Variants in PHTF2 observed in about 807,000 individuals in gnomAD.
PHTF2 encodes putative homeodomain transcription factor 2, also known as protein PHTF2.
Under a neutral mutation model 101.2 loss-of-function variants are expected in PHTF2, and 60 were observed. The observed-to-expected ratio is 0.59, with a 90% CI of 0.48 to 0.73. The LOEUF is 0.73. Among genes scored for constraint, PHTF2 ranks in the 30% least tolerant of loss-of-function variants. PHTF2 has a pLI of 0.00. For synonymous variants in PHTF2, 311 were observed against 307.3 expected (o/e 1.01, Z -0.13); for missense variants, 747 against 908.7 (o/e 0.82, Z 2.29).
intron 1 of PHTF2, among the ~76,000 whole-genome samples, chr7:77,814,708 C>G (rs1010024676): frequency 6.6e-6 from 1 of 151,942 alleles, no homozygotes; most frequent in African/African-American, 2.4e-5. Context: ...GATGGGGTAT[C>G]GCCATGTTGG....
intron 15 of PHTF2, among the ~76,000 whole-genome samples, chr7:77,941,716 C>G (rs981977861): frequency 6.6e-6 from 1 of 152,170 alleles, no homozygotes; most frequent in African/African-American, 2.4e-5. Context: ...TTCTGCCACC[C>G]TCATTGAAAC....
exon 11 of PHTF2, chr7:77,922,705 A>C (rs372691512): frequency 5.0e-6 from 8 of 1,609,964 alleles, no homozygotes; most frequent in Middle Eastern, 1.6e-4. Context: ...TTACGTCGTC[A>C]TGTGGACAGG....
intron 9 of PHTF2, among the ~76,000 whole-genome samples, chr7:77,912,171 G>T (rs1379279189): frequency 6.6e-6 from 1 of 152,202 alleles, no homozygotes; most frequent in Non-Finnish European, 1.5e-5. Context: ...GCATGACCAT[G>T]ATCATGACTG....
chr7:77,823,193 C>T (rs1042799374), intron 1 of PHTF2, among the ~76,000 whole-genome samples: 7 of 151,432 alleles, frequency 4.6e-5, no homozygotes, highest in East Asian at 1.9e-4. Flanking sequence ...CGTGAGCCAC[C>T]GCGCCCGGCC....
At chr7:77,830,481 C>T (rs939558754) in intron 1 of PHTF2, among the ~76,000 whole-genome samples, 1 of 152,202 alleles carries the variant, frequency 6.6e-6, no homozygotes, top group Non-Finnish European at 1.5e-5. Flanking sequence ...ACTTCCATTA[C>T]CATCTGAGCT....
chr7:77,811,574 T>A (rs749835526), intron 1 of PHTF2, among the ~76,000 whole-genome samples: 1 of 152,080 alleles, frequency 6.6e-6, no homozygotes, highest in Non-Finnish European at 1.5e-5. Context: ...AAAGAAAAGC[T>A]TCTACCTCTT....
At chr7:77,954,961 T>A in exon 20 of PHTF2, 4 of 706,916 alleles carry the variant, frequency 5.7e-6, no homozygotes, top group Non-Finnish European at 7.2e-6. Flanking sequence ...ACTGATTCTT[T>A]GCTTCAGGAG....
intron 3 of PHTF2, among the ~76,000 whole-genome samples, chr7:77,865,908 G>A (rs985881143): frequency 6.6e-6 from 1 of 151,984 alleles, no homozygotes; most frequent in African/African-American, 2.4e-5. Flanking sequence ...ATTAGGCTGG[G>A]CTCGGTGGCT....
intron 7 of PHTF2, chr7:77,907,917 T>C (rs899616987): frequency 6.6e-6 from 1 of 152,194 alleles, no homozygotes; most frequent in African/African-American, 2.4e-5. Flanking sequence ...TCTTCACTTC[T>C]TTTTGCTGTA....
chr7:77,912,710 C>CTT (rs536966733), intron 9 of PHTF2, among the ~76,000 whole-genome samples: 4 of 80,466 alleles, frequency 5.0e-5, no homozygotes, highest in African/African-American at 9.6e-5. Context: ...AGAGAACCAC[C>CTT]TTTTTTTTTT....
chr7:77,804,421 G>A (rs955193809), intron 1 of PHTF2, among the ~76,000 whole-genome samples: 4 of 152,176 alleles, frequency 2.6e-5, no homozygotes, highest in African/African-American at 7.2e-5. Flanking sequence ...CTTCTCCTGG[G>A]TTTAAGCAAT....
chr7:77,823,759 A>T (rs1409582673), intron 1 of PHTF2, among the ~76,000 whole-genome samples: 2 of 152,142 alleles, frequency 1.3e-5, no homozygotes, highest in Non-Finnish European at 2.9e-5. Flanking sequence ...TATGGATGGG[A>T]GGTTGGGGAG....
At chr7:77,932,978 C>T (rs1804745180) in intron 12 of PHTF2, among the ~76,000 whole-genome samples, 1 of 152,116 alleles carries the variant, frequency 6.6e-6, no homozygotes, top group African/African-American at 2.4e-5. Context: ...AGTTGCCACG[C>T]CTGTAATCCC....
intron 2 of PHTF2, among the ~76,000 whole-genome samples, chr7:77,846,577 GCCTCC>G: frequency 4.1e-5 from 1 of 24,106 alleles, no homozygotes; most frequent in East Asian, 1.5e-3. Context: ...GCCTCCCCTC[GCCTCC>G]CCTCGCCTCC....
chr7:77,890,900 C>G (rs1248070634), intron 3 of PHTF2, among the ~76,000 whole-genome samples: 1 of 143,212 alleles, frequency 7.0e-6, no homozygotes, highest in Admixed American at 7.0e-5. Context: ...CCACCGCACC[C>G]GGCCTTTTTT....
chr7:77,934,115 T>C (rs1046290527), intron 12 of PHTF2, among the ~76,000 whole-genome samples: 1 of 152,230 alleles, frequency 6.6e-6, no homozygotes, highest in Non-Finnish European at 1.5e-5. Flanking sequence ...AAAAAGCTAC[T>C]AGTTTTTTTT....
chr7:77,817,731 G>T (rs565689419), intron 1 of PHTF2, among the ~76,000 whole-genome samples: 2 of 152,138 alleles, frequency 1.3e-5, no homozygotes, highest in Non-Finnish European at 2.9e-5. Flanking sequence ...ATGTTTATTC[G>T]CTACATGTAT....
At chr7:77,925,735 C>A (rs890160918) in intron 11 of PHTF2, among the ~76,000 whole-genome samples, 1 of 151,944 alleles carries the variant, frequency 6.6e-6, no homozygotes, top group Non-Finnish European at 1.5e-5. Context: ...GCGTGAGCCA[C>A]CACTCCCAGC....
intron 12 of PHTF2, among the ~76,000 whole-genome samples, chr7:77,935,925 A>G (rs1420927065): frequency 1.3e-5 from 2 of 152,134 alleles, no homozygotes; most frequent in Non-Finnish European, 2.9e-5. Context: ...AGTTTGATAC[A>G]TATTTTGGTA....
Sources: allele counts gnomAD v4.1 joint callset (sites outside exome capture counted in the v4.1 genomes callset), GRCh38; gene constraint gnomAD v4.1.1; transcripts MANE v1.5; gene names NCBI Gene and HGNC (gene_info 2026-07-23, HGNC 2026-07-21).